The following RPS10 variants were observed in gnomAD, a reference collection of about 807,000 sequenced individuals.
RPS10 encodes the protein ribosomal protein S10.
A neutral mutation model predicts 22.6 loss-of-function variants in RPS10; 2 were observed. The observed-to-expected ratio is 0.09, with a 90% CI of 0.04 to 0.28. The LOEUF is 0.28. RPS10 is among the 10% of genes least tolerant of loss of function. The pLI, the probability that RPS10 is intolerant of heterozygous loss-of-function variation, is 1.00. For missense variants in RPS10, 137 were observed against 222.2 expected (o/e 0.62, Z 2.44); for synonymous variants, 70 against 75.9 (o/e 0.92, Z 0.40).
intron 4 of RPS10, among the ~76,000 whole-genome samples, chr6:34,421,097 G>GTTT (rs554380258): frequency 1.5e-5 from 2 of 132,026 alleles, no homozygotes; most frequent in African/African-American, 2.8e-5. Flanking sequence ...TACCGAAGAG[G>GTTT]TTTTTTTTTT....
intron 3 of RPS10, among the ~76,000 whole-genome samples, chr6:34,423,068 TAAACAAAC>T (rs200392463): frequency 6.6e-6 from 1 of 151,918 alleles, no homozygotes; most frequent in African/African-American, 2.4e-5. Flanking sequence ...TGACAGAATA[TAAACAAAC>T]AAACAAACAC....
At chr6:34,420,000 G>A (rs1425960763) in intron 4 of RPS10, among the ~76,000 whole-genome samples, 2 of 151,974 alleles carry the variant, frequency 1.3e-5, no homozygotes. Context: ...CTCTTGCCTT[G>A]GCCTTCCAAG....
At chr6:34,425,540 G>C in intron 1 of RPS10, 1 of 361,430 alleles carries the variant, frequency 2.8e-6, no homozygotes, top group Non-Finnish European at 5.4e-6. Context: ...AGCAGTTGGA[G>C]GCCATCAGCG....
Position 34,425,147 on chromosome 6 carries a change from C to T in RPS10, c.75G>A (p.Lys25=), listed in dbSNP as rs1765911837. The change falls in exon 2 of 6, where the codon AAG becomes AAA. Residue 25 remains lysine (K), a synonymous_variant. Transcript: ENST00000648437. ...LFKEGVMVAK[K]DVHMPKHPEL... is the part of the protein sequence containing the mutation. Reference sequence around the variant, plus strand: ...CCGGGTGCTTAGGCATGTGGACATCCTTCTTGGCCACCATGACTCCCTCCT... The same window carrying T: ...CCGGGTGCTTAGGCATGTGGACATCTTTCTTGGCCACCATGACTCCCTCCT... The T allele has an allele frequency of 6.2e-7, 1 of 1,613,726 alleles. No individual in the cohort carries two copies.
chr6:34,422,143 G>A (rs1463602544), intron 3 of RPS10, among the ~76,000 whole-genome samples: 3 of 152,070 alleles, frequency 2.0e-5, no homozygotes, highest in South Asian at 4.1e-4. Flanking sequence ...CCTGACCCAC[G>A]TTAAGTGGAA....
chr6:34,425,345 A>G lies in RPS10; in HGVS notation c.1-124T>C, dbSNP rs571330675. 68 of 1,260,300 alleles carry G rather than the reference A, an allele frequency of 5.4e-5. No homozygotes were observed. In the African/African-American group the frequency reaches 9.3e-4, roughly 17 times the overall value. 78.1% of individuals were successfully genotyped at this position (1,260,300 alleles called of 1,614,324 possible). A position where few individuals can be genotyped will look rare whatever the true frequency, so the allele number is the denominator to read the frequency against. On this transcript the variant is annotated intron_variant, in intron 1 of 5. Transcript: ENST00000648437. ...GACAACATGCTGGTGGGAAGACTCA[A>G]CTCCACAAAACAGATTCGGCAGAGG...
intron 3 of RPS10, chr6:34,424,160 A>AAAAAAAAAAC (rs1561939859): frequency 6.6e-6 from 1 of 150,924 alleles, no homozygotes; most frequent in Non-Finnish European, 1.5e-5. Flanking sequence ...AAAAAAAAAA[A>AAAAAAAAAAC]AAAAGCAACT....
Position 34,418,416 on chromosome 6 carries a change from C to T in RPS10, c.409G>A (p.Asp137Asn), listed in dbSNP as rs768038583. ...YRRSAVPPGA[D>N]KKAEAGAGSA... Reference sequence around the variant, plus strand: ...CCAGCCCCAGCCTCGGCTTTCTTGTCGGCACCAGCTAGAAAGTGAAACATC... The same window carrying T: ...CCAGCCCCAGCCTCGGCTTTCTTGTTGGCACCAGCTAGAAAGTGAAACATC... The change falls in exon 5 of 6, where the codon GAC becomes AAC. Residue 137 changes from aspartate to asparagine, a missense_variant. Asp to Asn is a conservative substitution (Grantham distance 23). Coordinates refer to ENST00000648437, the MANE Select transcript of RPS10 (RefSeq NM_001014.5). The T allele has an allele frequency of 3.1e-6, 5 of 1,614,142 alleles. No individual in the cohort carries two copies. The highest frequency in any genetic ancestry group is 1.3e-5 in the African/African-American group (1 of 75,024).
At chr6:34,417,955 C>G in intron 5 of RPS10, 1 of 719,708 alleles carries the variant, frequency 1.4e-6, no homozygotes, top group East Asian at 2.7e-5. Context: ...AATCTCACAA[C>G]TACCTTAGTA....
chr6:34,419,867 C>T (rs553779017), intron 4 of RPS10, among the ~76,000 whole-genome samples: 7 of 151,984 alleles, frequency 4.6e-5, no homozygotes, highest in Non-Finnish European at 5.9e-5. Flanking sequence ...AGTGGGCCAC[C>T]GCGCCCGGCC....
intron 4 of RPS10, among the ~76,000 whole-genome samples, chr6:34,420,363 C>A (rs756435269): frequency 2.2e-4 from 33 of 152,086 alleles, no homozygotes; most frequent in Non-Finnish European, 4.4e-4. Flanking sequence ...TTATTACAGG[C>A]AGGCACACAC....
intron 4 of RPS10, among the ~76,000 whole-genome samples, chr6:34,419,838 A>T (rs911570196): frequency 6.6e-6 from 1 of 152,010 alleles, no homozygotes; most frequent in African/African-American, 2.4e-5. Context: ...TCGGCCTCCC[A>T]AAGTGCTGGG....
At chr6:34,418,906 ACT>A (rs1178020459) in intron 4 of RPS10, among the ~76,000 whole-genome samples, 1 of 152,100 alleles carries the variant, frequency 6.6e-6, no homozygotes, top group Non-Finnish European at 1.5e-5. Context: ...ACAGGGTCTT[ACT>A]CTGTCACCCA....
At chr6:34,422,865 G>A (rs574930495) in intron 3 of RPS10, among the ~76,000 whole-genome samples, 17 of 151,894 alleles carry the variant, frequency 1.1e-4, no homozygotes, top group African/African-American at 3.9e-4. Flanking sequence ...GTGATCACTT[G>A]AGGCCAGGAG....
At chr6:34,424,264 T>A (rs1765876185) in intron 3 of RPS10, 1 of 276,768 alleles carries the variant, frequency 3.6e-6, no homozygotes, top group East Asian at 8.5e-5. Flanking sequence ...CACCATCCGT[T>A]CTCCACTCCA....
intron 3 of RPS10, 144 bp downstream of exon 3, chr6:34,424,525 A>G: frequency 9.0e-7 from 1 of 1,113,574 alleles, no homozygotes; most frequent in East Asian, 2.6e-5. Flanking sequence ...CCAAGTCCCA[A>G]GCCATGGGAC....
rs1356074016 is a variant in RPS10 at position 34,418,484 on chromosome 6, G to C, written c.401-60C>G. 8 of 1,612,162 alleles carry C rather than the reference G, an allele frequency of 5.0e-6. No homozygotes were observed. The East Asian group carries it at 1.8e-4, about 36-fold the overall frequency. ...TGATCTAATCTACTATAGAACAAGG[G>C]AAGACAACTCACTGACTCCAATCTT... On this transcript the variant is annotated intron_variant, in intron 4 of 5. Coordinates refer to ENST00000648437, the MANE Select transcript of RPS10 (RefSeq NM_001014.5).
chr6:34,419,457 C>A (rs1049251859), intron 4 of RPS10, among the ~76,000 whole-genome samples: 1 of 152,064 alleles, frequency 6.6e-6, no homozygotes. Context: ...GCCACTGCAC[C>A]CAGCCAATTA....
At chr6:34,424,988 A>C (rs1765904846) in intron 2 of RPS10, 84 bp downstream of exon 2, 7 of 1,608,046 alleles carry the variant, frequency 4.4e-6, no homozygotes, top group Non-Finnish European at 6.0e-6. Context: ...CCTTAGGGGA[A>C]GATCCCTCCA....
Sources: allele counts gnomAD v4.1 joint callset (sites outside exome capture counted in the v4.1 genomes callset), GRCh38; gene constraint gnomAD v4.1.1; transcripts MANE v1.5; gene names NCBI Gene and HGNC (gene_info 2026-07-23, HGNC 2026-07-21).